The following GABRA6 variants were observed in gnomAD, a reference collection of about 807,000 sequenced individuals.
The protein encoded by GABRA6 is gamma-aminobutyric acid type A receptor subunit alpha6.
In GABRA6, 45 loss-of-function variants were observed where a neutral mutation model predicts 47.3. That is an observed-to-expected ratio of 0.95 (90% confidence interval 0.75 to 1.22). The LOEUF (loss-of-function observed/expected upper bound fraction) is 1.22. GABRA6 is among the 50% of genes most tolerant of loss of function. The pLI is 0.00. For synonymous variants in GABRA6, 219 were observed against 194.7 expected (o/e 1.12, Z -1.04); for missense variants, 583 against 549.3 (o/e 1.06, Z -0.61).
chr5:161,686,363 C>T lies in GABRA6; in HGVS notation c.157+15C>T, dbSNP rs1383251299. 1 of 1,567,140 alleles carries T rather than the reference C, an allele frequency of 6.4e-7. No individual in the cohort carries two copies. The highest frequency in any genetic ancestry group is 1.1e-5 in the South Asian group (1 of 90,126). On this transcript the variant is annotated intron_variant, in intron 2 of 8. Transcript: ENST00000274545. The stretch of plus-strand genomic sequence containing the variant: ...GGGATTTGGAGGTAAGAAGCTGCAT[C>T]TTTGCTACACAAACACCTGTAGTTT...
chr5:161,687,799 A>G (rs573555934), intron 3 of GABRA6, among the ~76,000 whole-genome samples: 1 of 152,282 alleles, frequency 6.6e-6, no homozygotes, highest in Admixed American at 6.5e-5. Context: ...AGAAAAGAAG[A>G]TGTAAAGAAA....
intron 8 of GABRA6, among the ~76,000 whole-genome samples, chr5:161,697,867 A>G (rs1437384693): frequency 6.6e-6 from 1 of 152,188 alleles, no homozygotes; most frequent in Non-Finnish European, 1.5e-5. Context: ...TTCCTGCTTA[A>G]GCCTACGTTT....
intron 6 of GABRA6, 56 bp downstream of exon 6, chr5:161,689,835 T>G: frequency 6.6e-7 from 1 of 1,506,316 alleles, no homozygotes; most frequent in Non-Finnish European, 9.2e-7. Flanking sequence ...CAGTGCACAT[T>G]TTCAAAATAT....
intron 8 of GABRA6, among the ~76,000 whole-genome samples, chr5:161,694,579 A>T (rs969850943): frequency 6.6e-6 from 1 of 152,152 alleles, no homozygotes; most frequent in African/African-American, 2.4e-5. Flanking sequence ...AAATAGTAAC[A>T]TATAATGAGT....
chr5:161,690,473 C>A, intron 7 of GABRA6, 120 bp downstream of exon 7: 1 of 1,006,990 alleles, frequency 9.9e-7, no homozygotes, highest in Non-Finnish European at 1.5e-6. Flanking sequence ...AGGTTCCTGT[C>A]TCATCCAGAC....
chr5:161,686,061 T>TA, intron 1 of GABRA6, 34 bp downstream of exon 1: 1 of 1,602,520 alleles, frequency 6.2e-7, no homozygotes, highest in Non-Finnish European at 8.6e-7. Flanking sequence ...TTTTTCTTTT[T>TA]ATCTCAGAGG....
intron 8 of GABRA6, among the ~76,000 whole-genome samples, chr5:161,701,063 A>AT (rs1449969847): frequency 1.3e-5 from 2 of 152,072 alleles, no homozygotes; most frequent in Non-Finnish European, 2.9e-5. Context: ...CCAGGCTGTA[A>AT]TTTTTTTGTA....
At chr5:161,698,552 A>T (rs1210774388) in intron 8 of GABRA6, among the ~76,000 whole-genome samples, 4 of 152,018 alleles carry the variant, frequency 2.6e-5, no homozygotes, top group Non-Finnish European at 4.4e-5. Context: ...GTATATATAT[A>T]CACATATATA....
At chr5:161,694,108 T>C (rs1184837962) in intron 8 of GABRA6, among the ~76,000 whole-genome samples, 2 of 152,170 alleles carry the variant, frequency 1.3e-5, no homozygotes, top group African/African-American at 4.8e-5. Context: ...TTTTTTGTCA[T>C]GATAAATTCC....
intron 7 of GABRA6, among the ~76,000 whole-genome samples, chr5:161,690,979 A>G (rs1028187320): frequency 1.3e-5 from 2 of 152,116 alleles, no homozygotes; most frequent in African/African-American, 4.8e-5. Context: ...TTTTAAATTT[A>G]CTAAGTTAAA....
chr5:161,700,464 A>G (rs1284974288), intron 8 of GABRA6, among the ~76,000 whole-genome samples: 3 of 152,208 alleles, frequency 2.0e-5, no homozygotes, highest in Non-Finnish European at 4.4e-5. Flanking sequence ...CCCCCTAGAC[A>G]CCAACGGCAT....
At chr5:161,700,909 T>C (rs1004348893) in intron 8 of GABRA6, among the ~76,000 whole-genome samples, 5 of 152,224 alleles carry the variant, frequency 3.3e-5, no homozygotes, top group African/African-American at 1.2e-4. Context: ...GTAAGGATAT[T>C]TATTCTTTGT....
intron 7 of GABRA6, 87 bp downstream of exon 7, chr5:161,690,440 CT>C (rs35590101): frequency 2.3e-6 from 3 of 1,305,476 alleles, no homozygotes; most frequent in South Asian, 1.2e-5. Context: ...CACTGGTGCA[CT>C]TTTTCAATCC....
chr5:161,691,385 T>C (rs1344862266), intron 7 of GABRA6, among the ~76,000 whole-genome samples: 1 of 137,508 alleles, frequency 7.3e-6, no homozygotes, highest in Non-Finnish European at 1.5e-5. Flanking sequence ...AGGCTCCGCC[T>C]CCCAGGTTCA....
chr5:161,701,878 A>G lies in GABRA6; in HGVS notation c.*105A>G. On this transcript the variant is annotated 3_prime_UTR_variant, in exon 9 of 9. Coordinates refer to ENST00000274545, the MANE Select transcript of GABRA6 (RefSeq NM_000811.3). The stretch of plus-strand genomic sequence containing the variant: ...TGTGTAGATGCTTCTCAGAACATGA[A>G]ATCAAATTGGAAATCTGTAACGCAG... The G allele has an allele frequency of 4.0e-6, 5 of 1,241,142 alleles. 1 individual carries two copies. Among genetic ancestry groups the G allele is most frequent in the Non-Finnish European group, 5.8e-6 (5 of 856,016 alleles). 76.9% of individuals were successfully genotyped at this position (1,241,142 alleles called of 1,614,324 possible).
intron 8 of GABRA6, among the ~76,000 whole-genome samples, chr5:161,693,031 G>T (rs748253811): frequency 6.6e-5 from 10 of 152,142 alleles, no homozygotes; most frequent in Non-Finnish European, 1.3e-4. Flanking sequence ...TTAAAGAGTA[G>T]CTGTTAGAAG....
Position 161,691,987 on chromosome 5 carries a change from G to A in GABRA6, c.873G>A (p.Arg291=), listed in dbSNP as rs749358976. ...LTMTTLSISA[R]HSLPKVSYAT... ...TGACCACTTTGAGCATCAGTGCCCG[G>A]CACTCTTTGCCAAAAGTGTCATATG... Residue 291 remains arginine (R), a synonymous_variant, in exon 8 of 9, where the codon CGG becomes CGA. Coordinates refer to ENST00000274545, the MANE Select transcript of GABRA6 (RefSeq NM_000811.3). The A allele has an allele frequency of 1.9e-6, 3 of 1,613,790 alleles. No individual in the cohort carries two copies. Among genetic ancestry groups the A allele is most frequent in the Non-Finnish European group, 2.5e-6 (3 of 1,179,838 alleles).
rs191493843 is a variant in GABRA6, at chr5:161,698,784, C to T, written c.1087-2714C>T. On this transcript the variant is annotated intron_variant, in intron 8 of 8. Transcript: ENST00000274545. ...TTTCCAACTCTCCTTGTTCTCTTAA[C>T]TCCTAGAAAACCCTCCACAGAGATT... Among the ~76,000 whole-genome samples the T allele has an allele frequency of 2.0e-5, 3 of 152,186 alleles. No individual in the cohort carries two copies. In the East Asian group the frequency reaches 5.8e-4, roughly 29 times the overall value.
At chr5:161,687,083 G>T in intron 3 of GABRA6, 80 bp downstream of exon 3, 1 of 1,141,136 alleles carries the variant, frequency 8.8e-7, no homozygotes, top group Non-Finnish European at 1.3e-6. Flanking sequence ...AATGGGCATT[G>T]CCGCCAAGCT....
Sources: allele counts gnomAD v4.1 joint callset (sites outside exome capture counted in the v4.1 genomes callset), GRCh38; gene constraint gnomAD v4.1.1; transcripts MANE v1.5; gene names NCBI Gene and HGNC (gene_info 2026-07-23, HGNC 2026-07-21).